ZNF469: variants seen among roughly 807,000 people sequenced by gnomAD.
ZNF469 encodes zinc finger protein 469.
ZNF469 carries 1 observed loss-of-function variant against 1.0 expected under a neutral mutation model. That is an observed-to-expected ratio of 1.00 (90% confidence interval 0.35 to 4.73). The LOEUF is 4.73. ZNF469 is among the 30% of genes most tolerant of loss of function. The pLI, the probability that ZNF469 is intolerant of heterozygous loss-of-function variation, is 0.16. For synonymous variants in ZNF469, 2,703 were observed against 2,363.4 expected, an observed-to-expected ratio of 1.14 and a Z score of -4.17; for missense variants, 6,100 against 5,356.3, an observed-to-expected ratio of 1.14 and a Z score of -4.33.
At chr16:88,187,294 C>A in the ZNF469 span, among the ~76,000 whole-genome samples, 30 of 152,348 alleles carry the variant, frequency 2.0e-4, no homozygotes, top group African/African-American at 6.5e-4. Context: ...GAACCTAGCA[C>A]GTGTGGGCCC....
At chr16:88,343,583 G>A in the ZNF469 span, among the ~76,000 whole-genome samples, 17,607 of 152,050 alleles carry the variant, frequency 0.12, 1,306 homozygotes, top group African/African-American at 0.21. Flanking sequence ...GTCCAAGGTC[G>A]AGCGGCTGCC....
At chr16:88,227,497 C>T in the ZNF469 span, among the ~76,000 whole-genome samples, 2 of 149,600 alleles carry the variant, frequency 1.3e-5, no homozygotes. Context: ...CCTGTGTCCC[C>T]GTCTCCCCAT....
At chr16:88,340,740 A>G in the ZNF469 span, among the ~76,000 whole-genome samples, 1 of 145,676 alleles carries the variant, frequency 6.9e-6, no homozygotes, top group Non-Finnish European at 1.5e-5. Context: ...TGGGCTGGGA[A>G]TCAGCAGAGG....
chr16:88,369,326 T>C, the ZNF469 span, among the ~76,000 whole-genome samples: 3 of 152,174 alleles, frequency 2.0e-5, no homozygotes, highest in Non-Finnish European at 4.4e-5. Context: ...GCAAATGACA[T>C]GCAAATCCAC....
upstream of ZNF469, among the ~76,000 whole-genome samples, chr16:88,379,981 C>A (rs1041110010): frequency 6.6e-6 from 1 of 152,156 alleles, no homozygotes; most frequent in African/African-American, 2.4e-5. Flanking sequence ...TCATTTCTCA[C>A]GCCCAGGCGG....
the ZNF469 span, among the ~76,000 whole-genome samples, chr16:88,366,480 G>T: frequency 1.4e-5 from 2 of 146,918 alleles, no homozygotes; most frequent in African/African-American, 5.1e-5. Context: ...TCATCACCAT[G>T]ATCATCATCA....
At chr16:88,389,812 G>A (rs1167393363) in intron 1 of ZNF469, among the ~76,000 whole-genome samples, 2 of 152,158 alleles carry the variant, frequency 1.3e-5, no homozygotes, top group South Asian at 2.1e-4. Context: ...GAACGACAGC[G>A]CAGTCCCCCA....
chr16:88,151,747 C>T, the ZNF469 span, among the ~76,000 whole-genome samples: 1 of 152,226 alleles, frequency 6.6e-6, no homozygotes, highest in African/African-American at 2.4e-5. This position sits in a 1 kb window ranked among gnomAD's most constrained non-coding sequence, Gnocchi z 5.4. Context: ...GAAGGATCCT[C>T]GTTCGGCCAC....
intron 1 of ZNF469, among the ~76,000 whole-genome samples, chr16:88,391,032 C>G (rs897811291): frequency 6.6e-6 from 1 of 152,252 alleles, no homozygotes; most frequent in Non-Finnish European, 1.5e-5. Flanking sequence ...AGGCTGCTGT[C>G]CTGGCGATGG....
At chr16:88,187,715 A>AT in the ZNF469 span, among the ~76,000 whole-genome samples, 9,362 of 140,146 alleles carry the variant, frequency 0.067, 800 homozygotes, top group African/African-American at 0.19. Context: ...GATTGCCTGC[A>AT]TTTTTTTTTT....
the ZNF469 span, among the ~76,000 whole-genome samples, chr16:88,111,034 G>A: frequency 5.9e-5 from 9 of 152,388 alleles, no homozygotes; most frequent in African/African-American, 2.2e-4. Flanking sequence ...CTTGCAGTCA[G>A]TGTCGAAGGC....
the ZNF469 span, among the ~76,000 whole-genome samples, chr16:88,359,978 A>G: frequency 1.3e-5 from 2 of 152,246 alleles, no homozygotes; most frequent in East Asian, 3.8e-4. Context: ...GTACATCATT[A>G]ACAGAGAGGT....
chr16:88,156,436 A>G, the ZNF469 span, among the ~76,000 whole-genome samples: 15 of 152,336 alleles, frequency 9.8e-5, no homozygotes, highest in South Asian at 1.0e-3. Context: ...GTTCAGCTCC[A>G]TCCTATTGCA....
chr16:88,411,741 C>G (rs1440154467), intron 1 of ZNF469, among the ~76,000 whole-genome samples: 1 of 152,192 alleles, frequency 6.6e-6, no homozygotes, highest in Non-Finnish European at 1.5e-5. Context: ...GCCTCTCACT[C>G]TGTGTCCATG....
At chr16:88,165,674 T>C in the ZNF469 span, among the ~76,000 whole-genome samples, 45,364 of 152,140 alleles carry the variant, frequency 0.3, 7,495 homozygotes, top group East Asian at 0.59. Flanking sequence ...TACAGTTCTC[T>C]GGGACTCAGT....
chr16:88,386,749 C>T (rs2092537520), intron 1 of ZNF469, among the ~76,000 whole-genome samples: 1 of 152,236 alleles, frequency 6.6e-6, no homozygotes, highest in Non-Finnish European at 1.5e-5. Context: ...CCCCATGAGC[C>T]AGCCTCGTTC....
the ZNF469 span, among the ~76,000 whole-genome samples, chr16:88,123,772 A>G: frequency 6.6e-6 from 1 of 152,200 alleles, no homozygotes; most frequent in African/African-American, 2.4e-5. Flanking sequence ...ACCTCTTTGC[A>G]ATCTGTGATG....
the ZNF469 span, among the ~76,000 whole-genome samples, chr16:88,281,750 G>C: frequency 6.6e-6 from 1 of 150,790 alleles, no homozygotes; most frequent in Non-Finnish European, 1.5e-5. Flanking sequence ...CGCTTGGTCA[G>C]TACCATGCAT....
At chr16:88,329,123 G>T in the ZNF469 span, among the ~76,000 whole-genome samples, 1 of 152,170 alleles carries the variant, frequency 6.6e-6, no homozygotes, top group Non-Finnish European at 1.5e-5. Flanking sequence ...GTGGTATCCG[G>T]GGTCTGTGTG....
Sources: allele counts gnomAD v4.1 joint callset (sites outside exome capture counted in the v4.1 genomes callset), GRCh38; gene constraint gnomAD v4.1.1; non-coding constraint Gnocchi (gnomAD v3.1); transcripts MANE v1.5; gene names NCBI Gene and HGNC (gene_info 2026-07-23, HGNC 2026-07-21).